Variants in CCDC102B observed in about 807,000 individuals in gnomAD.
CCDC102B encodes coiled-coil domain containing 102B.
A neutral mutation model predicts 57.4 loss-of-function variants in CCDC102B; 75 were observed. The observed-to-expected ratio is 1.31, with a 90% CI of 1.08 to 1.58. CCDC102B has a LOEUF of 1.58. Among genes scored for constraint, CCDC102B ranks in the 40% most tolerant of loss-of-function variants. The pLI, the probability that CCDC102B is intolerant of heterozygous loss-of-function variation, is 0.00. For missense variants in CCDC102B, 636 were observed against 582.6 expected (o/e 1.09, Z -0.94); for synonymous variants, 206 against 201.9 (o/e 1.02, Z -0.17).
At chr18:68,914,859 C>A (rs1284191919) in intron 6 of CCDC102B, among the ~76,000 whole-genome samples, 1 of 152,030 alleles carries the variant, frequency 6.6e-6, no homozygotes, top group Non-Finnish European at 1.5e-5. Context: ...TATCCATTAG[C>A]CAATGGTAAA....
intron 2 of CCDC102B, chr18:68,718,013 AAC>A (rs1387429156): frequency 1.3e-5 from 2 of 152,412 alleles, no homozygotes; most frequent in Non-Finnish European, 2.9e-5. Flanking sequence ...GCCATGTGAA[AAC>A]ACAACAAGAA....
chr18:68,722,849 C>G (rs1485876933), intron 2 of CCDC102B, among the ~76,000 whole-genome samples: 1 of 151,166 alleles, frequency 6.6e-6, no homozygotes, highest in Non-Finnish European at 1.5e-5. Context: ...CCTCCAGCAC[C>G]AGCACTGAAT....
intron 5 of CCDC102B, 95 bp from the exon 6 acceptor site, chr18:68,897,124 A>G: frequency 1.1e-6 from 1 of 883,110 alleles, no homozygotes; most frequent in Non-Finnish European, 1.8e-6. Flanking sequence ...GGACATATCC[A>G]TGAACTTTTC....
chr18:68,837,905 A>G (rs985337951), intron 2 of CCDC102B, among the ~76,000 whole-genome samples: 2 of 152,222 alleles, frequency 1.3e-5, no homozygotes, highest in African/African-American at 4.8e-5. Flanking sequence ...AGATGATTGC[A>G]ATGCTCATTC....
intron 5 of CCDC102B, among the ~76,000 whole-genome samples, chr18:68,891,596 C>T (rs1167163026): frequency 6.6e-6 from 1 of 152,220 alleles, no homozygotes; most frequent in Non-Finnish European, 1.5e-5. Flanking sequence ...ACATTATTTT[C>T]TCACAGTTCT....
At chr18:68,880,561 C>T (rs759176053) in intron 5 of CCDC102B, among the ~76,000 whole-genome samples, 2 of 152,180 alleles carry the variant, frequency 1.3e-5, no homozygotes, top group Non-Finnish European at 2.9e-5. Context: ...CACCTCTCAG[C>T]GGGGCAACTA....
At chr18:69,019,697 A>G (rs1298203046) in intron 7 of CCDC102B, among the ~76,000 whole-genome samples, 1 of 152,036 alleles carries the variant, frequency 6.6e-6, no homozygotes, top group African/African-American at 2.4e-5. Context: ...TTCTTTTCCA[A>G]TTTAGACAGC....
chr18:69,023,226 G>A (rs748365375), intron 7 of CCDC102B, among the ~76,000 whole-genome samples: 3 of 152,030 alleles, frequency 2.0e-5, no homozygotes, highest in Non-Finnish European at 4.4e-5. Flanking sequence ...AGCCTCAGTG[G>A]ACTACACTTT....
intron 1 of CCDC102B, among the ~76,000 whole-genome samples, chr18:68,799,744 T>C (rs1363319749): frequency 2.0e-5 from 3 of 152,198 alleles, no homozygotes; most frequent in Non-Finnish European, 2.9e-5. Flanking sequence ...TTTGAAGAAG[T>C]AATTGGCAAA....
intron 6 of CCDC102B, among the ~76,000 whole-genome samples, chr18:68,902,829 A>G (rs62099064): frequency 0.076 from 11,598 of 152,152 alleles, 627 homozygotes; most frequent in Admixed American, 0.12. Flanking sequence ...AGTTTTTGCA[A>G]TTGTCTAGTT....
chr18:69,040,089 A>C (rs2052392284), intron 7 of CCDC102B, among the ~76,000 whole-genome samples: 1 of 151,948 alleles, frequency 6.6e-6, no homozygotes, highest in African/African-American at 2.4e-5. Flanking sequence ...ACCCTTATTT[A>C]ACAGACCATA....
chr18:68,794,354 A>G (rs899119817), upstream of CCDC102B, among the ~76,000 whole-genome samples: 1 of 152,150 alleles, frequency 6.6e-6, no homozygotes, highest in Non-Finnish European at 1.5e-5. Flanking sequence ...TAAACCCATT[A>G]GATTTCCACT....
chr18:68,739,840 C>T (rs2033306953), intron 2 of CCDC102B, among the ~76,000 whole-genome samples: 1 of 152,064 alleles, frequency 6.6e-6, no homozygotes, highest in Admixed American at 6.6e-5. Flanking sequence ...ATGAGATGGC[C>T]CAGGTAGTAG....
intron 6 of CCDC102B, among the ~76,000 whole-genome samples, chr18:68,943,307 A>G (rs1239523533): frequency 6.6e-6 from 1 of 152,112 alleles, no homozygotes; most frequent in Non-Finnish European, 1.5e-5. Context: ...GTAGACTTTT[A>G]ATTGAGGGAC....
chr18:68,793,306 C>T (rs571134637), upstream of CCDC102B, among the ~76,000 whole-genome samples: 13 of 152,144 alleles, frequency 8.5e-5, no homozygotes, highest in East Asian at 1.7e-3. Flanking sequence ...TAAACTGTAG[C>T]GGAATTCAAA....
intron 6 of CCDC102B, among the ~76,000 whole-genome samples, chr18:69,007,616 C>T (rs1231605054): frequency 6.6e-6 from 1 of 152,182 alleles, no homozygotes; most frequent in Admixed American, 6.5e-5. Context: ...AGCTTCTGGG[C>T]TCGAGCCCTG....
At chr18:69,014,341 C>G (rs553012679) in intron 7 of CCDC102B, among the ~76,000 whole-genome samples, 1 of 152,274 alleles carries the variant, frequency 6.6e-6, no homozygotes, top group Non-Finnish European at 1.5e-5. Flanking sequence ...CAGATATGGT[C>G]ACAGTATCTA....
At chr18:68,783,314 T>C (rs527860413) in intron 2 of CCDC102B, among the ~76,000 whole-genome samples, 1 of 152,274 alleles carries the variant, frequency 6.6e-6, no homozygotes, top group East Asian at 1.9e-4. Context: ...TTTTTAGTGC[T>C]TGTTGCAGTC....
chr18:68,887,804 G>A (rs942053425), intron 5 of CCDC102B, among the ~76,000 whole-genome samples: 2 of 152,308 alleles, frequency 1.3e-5, no homozygotes, highest in Non-Finnish European at 2.9e-5. Context: ...ATAGTGTACA[G>A]TGGAAAAACA....
Sources: gnomAD v4.1 joint callset for allele counts (sites outside exome capture counted in the v4.1 genomes callset) on GRCh38, gnomAD v4.1.1 for gene constraint, MANE v1.5 for transcripts, NCBI Gene and HGNC (gene_info 2026-07-23, HGNC 2026-07-21) for gene names.